Variants in DISP3 observed in about 807,000 individuals in gnomAD.
DISP3 encodes protein dispatched homolog 3.
Under a neutral mutation model 135.3 loss-of-function variants are expected in DISP3, and 101 were observed. The observed-to-expected ratio is 0.75, with a 90% CI of 0.64 to 0.88. The LOEUF is 0.88. Among genes scored for constraint, DISP3 ranks in the 40% least tolerant of loss-of-function variants. The pLI, the probability that DISP3 is intolerant of heterozygous loss-of-function variation, is 0.00. For missense variants in DISP3, 1,713 were observed against 1,878.6 expected (o/e 0.91, Z 1.63); for synonymous variants, 856 against 817.0 (o/e 1.05, Z -0.81).
chr1:11,531,441 C>T lies in DISP3; in HGVS notation c.3230-124C>T, dbSNP rs1028858676. ...ATGCATGTTGTAGGTTTCCCAATGC[C>T]GTTGCCAATGGTTACAAGCACTCTA... is the stretch of plus-strand genomic sequence containing the variant. On this transcript the variant is annotated intron_variant, in intron 16 of 20. Coordinates refer to ENST00000294484, the MANE Select transcript of DISP3 (RefSeq NM_020780.2). The surrounding 1 kb of genome is among the most constrained non-coding windows in gnomAD (Gnocchi z 5.2). 8.4e-5 allele frequency: 115 copies of T among 1,370,656 alleles called. 1 individual carries two copies. Among genetic ancestry groups the T allele is most frequent in the Non-Finnish European group, 1.1e-4 (111 of 984,038 alleles). The allele number at this position is 1,370,656 out of a possible 1,614,324, so 84.9% of individuals were successfully genotyped here.
At chr1:11,502,581 T>C in intron 2 of DISP3, 97 bp from the exon 3 acceptor site, 1 of 973,400 alleles carries the variant, frequency 1.0e-6, no homozygotes, top group South Asian at 1.6e-5. Flanking sequence ...GGGGGAATCC[T>C]GGGAGGCAGG....
intron 3 of DISP3, among the ~76,000 whole-genome samples, chr1:11,504,430 A>G (rs1303654732): frequency 6.6e-6 from 1 of 152,248 alleles, no homozygotes; most frequent in Admixed American, 6.5e-5. Flanking sequence ...CTATTCATCT[A>G]TTAAGATCCA....
At chr1:11,512,258 T>G (rs951849562) in intron 3 of DISP3, among the ~76,000 whole-genome samples, 3 of 149,522 alleles carry the variant, frequency 2.0e-5, no homozygotes, top group Admixed American at 1.3e-4. Context: ...AGAAAATGGG[T>G]TTTTTTTTTC....
At chr1:11,534,090 C>T (rs1447124014) in intron 17 of DISP3, among the ~76,000 whole-genome samples, 1 of 152,210 alleles carries the variant, frequency 6.6e-6, no homozygotes, top group African/African-American at 2.4e-5. Flanking sequence ...GCTGAGCAGG[C>T]AGAGGGAACA....
At chr1:11,533,811 GA>G in intron 17 of DISP3, 1 of 717,840 alleles carries the variant, frequency 1.4e-6, no homozygotes, top group South Asian at 1.5e-5. Flanking sequence ...GATACCTTAA[GA>G]ATCTTTTAGA....
At position 11,535,008 on chromosome 1, in the gene DISP3, C is replaced by T; in HGVS notation, c.3536-3C>T. On this transcript the variant is annotated splice_polypyrimidine_tract_variant and splice_region_variant and intron_variant, in intron 18 of 20. Coordinates refer to ENST00000294484, the MANE Select transcript of DISP3 (RefSeq NM_020780.2). ...CGCACTGAGGCCCTGTCCTCCCTTGCAGGGGTGCAGAGCGCCCTGTGCGGC... is the reference window on the plus strand; with the variant it reads ...CGCACTGAGGCCCTGTCCTCCCTTGTAGGGGTGCAGAGCGCCCTGTGCGGC... 6.4e-7 allele frequency: 1 copy of T among 1,573,844 alleles called. No homozygotes were observed. Among genetic ancestry groups the T allele is most frequent in the Non-Finnish European group, 8.6e-7 (1 of 1,163,402 alleles).
rs1005429971 is a variant in DISP3 at position 11,491,478 on chromosome 1, G to A, written c.-3-9512G>A. 4.6e-5 allele frequency among the ~76,000 whole-genome samples: 7 copies of A among 152,122 alleles called. No homozygotes were observed. Among genetic ancestry groups the A allele is most frequent in the Non-Finnish European group, 1.5e-5 (1 of 68,032 alleles). ...AAAACAAAAACAGCCAGGTGTGGTG[G>A]CATGCACCTGTAGTCTCAGCTACTT... On this transcript the variant is annotated intron_variant, in intron 1 of 20. Coordinates refer to ENST00000294484, the MANE Select transcript of DISP3 (RefSeq NM_020780.2). The surrounding 1 kb of genome is among the most constrained non-coding windows in gnomAD (Gnocchi z 4.3).
chr1:11,502,955 C>G (rs781516711), intron 3 of DISP3, 58 bp downstream of exon 3: 3 of 1,432,812 alleles, frequency 2.1e-6, no homozygotes, highest in African/African-American at 2.8e-5. Context: ...CCAATTGCCT[C>G]TTACTCTTAA....
At chr1:11,527,812 T>C (rs1048775587) in intron 13 of DISP3, among the ~76,000 whole-genome samples, 1 of 152,138 alleles carries the variant, frequency 6.6e-6, no homozygotes, top group African/African-American at 2.4e-5. Context: ...GTGAGACAAC[T>C]TCTCAAGATT....
At chr1:11,496,580 C>T (rs941823658) in intron 1 of DISP3, among the ~76,000 whole-genome samples, 3 of 152,212 alleles carry the variant, frequency 2.0e-5, no homozygotes, top group Non-Finnish European at 4.4e-5. Context: ...GCAGCTGGAG[C>T]TCCTTGCTAA....
Position 11,519,398 on chromosome 1 carries a change from G to T in DISP3, c.1933G>T (p.Gly645Ter). ...CSRKTSLHFP[G>*]DVFAAPEQVG... ...CCGGAAGACCTCCCTGCACTTCCCC[G>T]GAGACGTGTTTGCCGCTCCCGAGCA... Residue 645 changes from glycine (G) to a stop codon, truncating the protein, a stop_gained, in exon 8 of 21, where the codon GGA (glycine) becomes TGA (stop). Transcript: ENST00000294484. LOFTEE classifies it high-confidence loss of function. This position sits in a 1 kb window ranked among gnomAD's most constrained non-coding sequence, Gnocchi z 4.3. The T allele has an allele frequency of 6.2e-7, 1 of 1,613,736 alleles. No homozygotes were observed. Among genetic ancestry groups the T allele is most frequent in the Non-Finnish European group, 8.5e-7 (1 of 1,179,944 alleles).
Position 11,501,931 on chromosome 1 carries a change from G to C in DISP3, c.939G>C (p.Glu313Asp). The change falls in exon 2 of 21, where the codon GAG becomes GAC. Residue 313 changes from glutamate to aspartate, a missense_variant. This residue lies in a region of DISP3 where 571 missense variants were observed against 494.1 expected (regional missense o/e 1.16). Coordinates refer to ENST00000294484, the MANE Select transcript of DISP3 (RefSeq NM_020780.2). This position sits in a 1 kb window ranked among gnomAD's most constrained non-coding sequence, Gnocchi z 4.9. The stretch of plus-strand genomic sequence containing the variant: ...TCATGGACCACCCAGGCTTCCGGGA[G>C]TTCTGCTGGAAGCCCCACGAGGTGC... The part of the protein sequence containing the change: ...RKIMDHPGFR[E>D]FCWKPHEVLK... The C allele has an allele frequency of 6.2e-7, 1 of 1,613,764 alleles. No individual in the cohort carries two copies. Among genetic ancestry groups the C allele is most frequent in the Non-Finnish European group, 8.5e-7 (1 of 1,179,928 alleles).
intron 1 of DISP3, among the ~76,000 whole-genome samples, chr1:11,486,800 C>A (rs960814244): frequency 1.3e-5 from 2 of 152,086 alleles, no homozygotes; most frequent in African/African-American, 4.8e-5. Context: ...CCGTCAGCCT[C>A]CTGAGTAATT....
chr1:11,536,607 G>T lies in DISP3; in HGVS notation c.4100G>T (p.Gly1367Val). 10 of 1,610,254 alleles carry T rather than the reference G, an allele frequency of 6.2e-6. No homozygotes were observed. The highest frequency in any genetic ancestry group is 8.5e-6 in the Non-Finnish European group (10 of 1,179,278). ...GCCCTGGGTGCCGTGCTGCTGGCAGGGGCCCTGGGGCTGGGTGCCTGCCTC... is the reference window on the plus strand; with the variant it reads ...GCCCTGGGTGCCGTGCTGCTGGCAGTGGCCCTGGGGCTGGGTGCCTGCCTC... ...LKALGAVLLA[G>V]ALGLGACLVL... The change falls in exon 21 of 21, where the codon GGG (glycine) becomes GTG (valine). Residue 1367 changes from glycine (G) to valine (V), a missense_variant. Gly to Val is a moderately radical substitution (Grantham distance 109). Coordinates refer to ENST00000294484, the MANE Select transcript of DISP3 (RefSeq NM_020780.2). The surrounding 1 kb of genome is among the most constrained non-coding windows in gnomAD (Gnocchi z 4.3).
Position 11,536,413 on chromosome 1 carries a change from C to A in DISP3, c.3906C>A (p.Ile1302=). 6.2e-7 allele frequency: 1 copy of A among 1,612,858 alleles called. No individual in the cohort carries two copies. Among genetic ancestry groups the A allele is most frequent in the South Asian group, 1.1e-5 (1 of 91,092 alleles). ...TCTCCAGTGCCCTCACCACGGTCAT[C>A]GCCACAGTGCCCCTCTTCTTCTGCA... is the stretch of plus-strand genomic sequence containing the variant. ...AIVSSALTTV[I]ATVPLFFCII... is the part of the protein sequence containing the mutation. Residue 1302 remains isoleucine (I), a synonymous_variant, in exon 21 of 21, where the codon ATC becomes ATA. Transcript: ENST00000294484. This position sits in a 1 kb window ranked among gnomAD's most constrained non-coding sequence, Gnocchi z 4.3.
chr1:11,529,661 C>T lies in DISP3; in HGVS notation c.2904C>T (p.Gly968=). Reference sequence around the variant, plus strand: ...CCAGCCCCGATGGGCCTACCAAAGGCTTCTTCTTCGTGCCTAGTGAGAAAG... The same window carrying T: ...CCAGCCCCGATGGGCCTACCAAAGGTTTCTTCTTCGTGCCTAGTGAGAAAG... ...LSSSPDGPTK[G]FFFVPSEKVP... Residue 968 remains glycine (G), a synonymous_variant, in exon 14 of 21, where the codon GGC becomes GGT. Coordinates refer to ENST00000294484, the MANE Select transcript of DISP3 (RefSeq NM_020780.2). This position sits in a 1 kb window ranked among gnomAD's most constrained non-coding sequence, Gnocchi z 4.7. The T allele has an allele frequency of 6.2e-7, 1 of 1,608,012 alleles. No homozygotes were observed. The highest frequency in any genetic ancestry group is 1.1e-5 in the South Asian group (1 of 90,974).
At chr1:11,482,193 G>A (rs1309184946) in intron 1 of DISP3, among the ~76,000 whole-genome samples, 1 of 152,144 alleles carries the variant, frequency 6.6e-6, no homozygotes, top group Non-Finnish European at 1.5e-5. Context: ...AATTGTCTGA[G>A]TTAAGGTCCT....
In DISP3 at chr1:11,527,240, G is replaced by T. The variant is rs902067947; in HGVS notation, c.2798+405G>T. Among the ~76,000 whole-genome samples, 3 of 152,152 alleles carry T rather than the reference G, an allele frequency of 2.0e-5. No individual in the cohort carries two copies. In the South Asian group the frequency reaches 6.2e-4, roughly 31 times the overall value. On this transcript the variant is annotated intron_variant, in intron 13 of 20. Coordinates refer to ENST00000294484, the MANE Select transcript of DISP3 (RefSeq NM_020780.2). ...GTGAGCCACTGCACCCAGCCCTGAG[G>T]GATGCCAGCAGACTCCTTTAAGAAA...
In DISP3 at chr1:11,535,013, G is replaced by T; in HGVS notation, c.3538G>T (p.Val1180Leu). The stretch of plus-strand genomic sequence containing the variant: ...TGAGGCCCTGTCCTCCCTTGCAGGG[G>T]TGCAGAGCGCCCTGTGCGGCCTGGT... The part of the protein sequence containing the change: ...WKQIFMEIVG[V>L]QSALCGLVLS... Residue 1180 changes from valine (V) to leucine (L), a missense_variant and splice_region_variant, in exon 19 of 21, where the codon GTG becomes TTG. Transcript: ENST00000294484. 6.3e-7 allele frequency: 1 copy of T among 1,578,768 alleles called. No individual in the cohort carries two copies. The highest frequency in any genetic ancestry group is 8.6e-7 in the Non-Finnish European group (1 of 1,165,846).
Sources: allele counts gnomAD v4.1 joint callset (sites outside exome capture counted in the v4.1 genomes callset), GRCh38; gene constraint gnomAD v4.1.1; regional missense constraint gnomAD v4.1.1; non-coding constraint Gnocchi (gnomAD v3.1); transcripts MANE v1.5; gene names NCBI Gene and HGNC (gene_info 2026-07-23, HGNC 2026-07-21).